The following FAM149A variants were observed in gnomAD, a reference collection of about 807,000 sequenced individuals.
FAM149A encodes the protein family with sequence similarity 149 member A.
A neutral mutation model predicts 78.2 loss-of-function variants in FAM149A; 71 were observed. That is an observed-to-expected ratio of 0.91 (90% CI 0.75 to 1.11). The LOEUF (loss-of-function observed/expected upper bound fraction) is 1.11, where lower values mean the gene tolerates loss of function less well. Ranked by LOEUF, FAM149A falls within the 50% of genes least tolerant of loss-of-function variation. FAM149A has a pLI of 0.00. For synonymous variants in FAM149A, 446 were observed against 410.5 expected (o/e 1.09, Z -1.04); for missense variants, 1,036 against 971.0 (o/e 1.07, Z -0.89).
intron 1 of FAM149A, among the ~76,000 whole-genome samples, chr4:186,140,755 G>A (rs977348721): frequency 3.3e-5 from 5 of 152,064 alleles, no homozygotes; most frequent in Non-Finnish European, 5.9e-5. Context: ...TCTCAATTAG[G>A]GTTTAAATAA....
At chr4:186,152,707 G>C (rs550947982) in intron 4 of FAM149A, among the ~76,000 whole-genome samples, 11 of 151,900 alleles carry the variant, frequency 7.2e-5, no homozygotes, top group African/African-American at 2.4e-4. Flanking sequence ...ACCACGCCCG[G>C]CTAATTTTTT....
chr4:186,158,309 C>CT, intron 8 of FAM149A: 1 of 1,212,542 alleles, frequency 8.2e-7, no homozygotes, highest in Non-Finnish European at 1.0e-6. Context: ...GCTAGCCCAC[C>CT]TCCCATTGCT....
chr4:186,110,749 AT>A (rs1368128844), intron 1 of FAM149A, among the ~76,000 whole-genome samples: 2 of 144,932 alleles, frequency 1.4e-5, no homozygotes, highest in East Asian at 4.0e-4. Context: ...GCTGCATAGT[AT>A]TTCATGGTGT....
chr4:186,138,244 A>AGT (rs35301733), intron 1 of FAM149A, among the ~76,000 whole-genome samples: 71,157 of 150,852 alleles, frequency 0.47, 17,058 homozygotes, highest in Middle Eastern at 0.6. Flanking sequence ...TTAGTGAGTG[A>AGT]GTGTGTGTGT....
intron 8 of FAM149A, among the ~76,000 whole-genome samples, chr4:186,161,998 CT>C (rs1354197860): frequency 7.0e-4 from 107 of 152,316 alleles, no homozygotes; most frequent in African/African-American, 2.5e-3. Context: ...TTTGCTGCAC[CT>C]GTCAGCCTGT....
chr4:186,126,119 T>A (rs1366925311), intron 1 of FAM149A: 1 of 982,520 alleles, frequency 1.0e-6, no homozygotes, highest in African/African-American at 1.7e-5. Flanking sequence ...CAAAATGAAA[T>A]CCTTTCATTA....
chr4:186,151,121 G>T (rs1226841973), intron 3 of FAM149A: 6 of 913,244 alleles, frequency 6.6e-6, no homozygotes, highest in Admixed American at 6.2e-5. Context: ...CACCGAGGGG[G>T]TCTGAAAGGG....
chr4:186,162,810 CTTTTTT>C (rs56973296), intron 8 of FAM149A, 29 bp from the exon 9 acceptor site: 462 of 561,038 alleles, frequency 8.2e-4, no homozygotes, highest in Non-Finnish European at 1.0e-3. Flanking sequence ...ATTTGTAATT[CTTTTTT>C]TTTTTTTTTT....
At chr4:186,149,853 C>T (rs1733335601) in intron 3 of FAM149A, 149 bp downstream of exon 3, 2 of 444,404 alleles carry the variant, frequency 4.5e-6, no homozygotes, top group South Asian at 2.6e-5. Context: ...GTACATGTTA[C>T]ATGTGAAAAT....
At chr4:186,162,611 G>C (rs1056738442) in intron 8 of FAM149A, among the ~76,000 whole-genome samples, 2 of 152,142 alleles carry the variant, frequency 1.3e-5, no homozygotes, top group Non-Finnish European at 2.9e-5. Context: ...TGGCCACTTT[G>C]GGCCAGGTGT....
intron 1 of FAM149A, among the ~76,000 whole-genome samples, chr4:186,146,126 A>G (rs1264873777): frequency 6.6e-6 from 1 of 152,182 alleles, no homozygotes; most frequent in African/African-American, 2.4e-5. Context: ...CTCTGTCCCT[A>G]TCTTCTTTGT....
chr4:186,105,860 C>G (rs1230124218), intron 1 of FAM149A, among the ~76,000 whole-genome samples: 2 of 152,196 alleles, frequency 1.3e-5, no homozygotes, highest in Non-Finnish European at 2.9e-5. Flanking sequence ...CCAGCTTTCT[C>G]AGAGTGAATC....
intron 1 of FAM149A, among the ~76,000 whole-genome samples, chr4:186,142,664 CAG>C (rs1359239035): frequency 6.6e-6 from 1 of 152,192 alleles, no homozygotes; most frequent in Non-Finnish European, 1.5e-5. Context: ...AGGGACCACT[CAG>C]AGAAGTGTTG....
intron 1 of FAM149A, among the ~76,000 whole-genome samples, chr4:186,134,442 G>A (rs1579829948): frequency 2.0e-5 from 3 of 152,170 alleles, no homozygotes; most frequent in South Asian, 2.1e-4. Flanking sequence ...TTAGGTGCAT[G>A]AGAAAGACAG....
At position 186,149,748 on chromosome 4, in the gene FAM149A, T is replaced by C. The variant is rs1428455794; in HGVS notation, c.789+44T>C. On this transcript the variant is annotated intron_variant, in intron 3 of 13. Coordinates refer to ENST00000389354, the MANE Select transcript of FAM149A (RefSeq NM_001367768.3). ...TGGATAATCTTGTAATTACAGTTTA[T>C]AGTGAAGAGTTGCTTCCTTATATTC... 12 of 1,205,438 alleles carry C rather than the reference T, an allele frequency of 1.0e-5. No homozygotes were observed. The South Asian group carries it at 1.1e-4, about 11-fold the overall frequency. 74.7% of individuals were successfully genotyped at this position (1,205,438 alleles called of 1,614,324 possible). A position where few individuals can be genotyped will look rare whatever the true frequency, so the allele number is the denominator to read the frequency against.
At chr4:186,137,374 G>A (rs1051451319) in intron 1 of FAM149A, among the ~76,000 whole-genome samples, 11 of 152,042 alleles carry the variant, frequency 7.2e-5, no homozygotes, top group Admixed American at 2.0e-4. Context: ...TGGTCAGAGC[G>A]AAAGCATACC....
chr4:186,144,954 C>A lies in FAM149A; in HGVS notation c.567-4219C>A. On this transcript the variant is annotated intron_variant, in intron 1 of 13. Coordinates refer to ENST00000389354, the MANE Select transcript of FAM149A (RefSeq NM_001367768.3). This position sits in a 1 kb window ranked among gnomAD's most constrained non-coding sequence, Gnocchi z 4.2. ...GCGCGGGCGCGGGCGCGGGCGCGGG[C>A]GCGGGCGGGTGGGGAGCCCCAGCCC... 1.0e-6 allele frequency: 1 copy of A among 973,500 alleles called. No individual in the cohort carries two copies. The highest frequency in any genetic ancestry group is 1.2e-6 in the Non-Finnish European group (1 of 824,666). 60.3% of individuals were successfully genotyped at this position (973,500 alleles called of 1,614,324 possible).
chr4:186,151,040 C>G (rs1393914078), intron 3 of FAM149A: 1 of 985,258 alleles, frequency 1.0e-6, no homozygotes, highest in Non-Finnish European at 1.2e-6. Context: ...CCCACTCCCA[C>G]TGCACATGGG....
intron 7 of FAM149A, 119 bp from the exon 8 acceptor site, chr4:186,157,445 TG>T: frequency 1.0e-6 from 1 of 968,896 alleles, no homozygotes; most frequent in Non-Finnish European, 1.5e-6. Flanking sequence ...ACATGTGGAG[TG>T]GCCGTAGCAT....
Sources: gnomAD v4.1 joint callset for allele counts (sites outside exome capture counted in the v4.1 genomes callset) on GRCh38, gnomAD v4.1.1 for gene constraint, Gnocchi (gnomAD v3.1) non-coding constraint, MANE v1.5 for transcripts, NCBI Gene and HGNC (gene_info 2026-07-23, HGNC 2026-07-21) for gene names.